BANK1: variants seen among roughly 807,000 people sequenced by gnomAD.
The protein encoded by BANK1 is B cell scaffold protein with ankyrin repeats 1.
In BANK1, 95 loss-of-function variants were observed where a neutral mutation model predicts 94.5. The ratio of observed to expected loss-of-function variants is 1.00; its 90% CI spans 0.85 to 1.19. The LOEUF (loss-of-function observed/expected upper bound fraction) is 1.19. Among genes scored for constraint, BANK1 ranks in the 50% most tolerant of loss-of-function variants. BANK1 has a pLI of 0.00. For missense variants in BANK1, 987 were observed against 932.2 expected (o/e 1.06, Z -0.77); for synonymous variants, 334 against 308.4 (o/e 1.08, Z -0.87).
At chr4:102,007,931 A>G (rs575986927) in intron 7 of BANK1, among the ~76,000 whole-genome samples, 20 of 152,338 alleles carry the variant, frequency 1.3e-4, no homozygotes, top group African/African-American at 4.8e-4. Context: ...AGAGGATATG[A>G]AGTTCAAATA....
chr4:101,895,539 C>G (rs1002193417), intron 6 of BANK1, 129 bp downstream of exon 6: 27 of 571,616 alleles, frequency 4.7e-5, no homozygotes, highest in South Asian at 4.5e-4. Context: ...CAACTCCTGA[C>G]TCCTGGTGAA....
intron 10 of BANK1, among the ~76,000 whole-genome samples, chr4:102,034,381 A>C (rs551188140): frequency 6.6e-6 from 1 of 152,192 alleles, no homozygotes; most frequent in Non-Finnish European, 1.5e-5. Flanking sequence ...CGTATCTGAG[A>C]CTGAATTTCC....
At chr4:101,879,802 A>G (rs1054840837) in intron 5 of BANK1, among the ~76,000 whole-genome samples, 2 of 152,094 alleles carry the variant, frequency 1.3e-5, no homozygotes, top group African/African-American at 4.8e-5. Flanking sequence ...AAATAAACCA[A>G]TGTGATATAT....
intron 7 of BANK1, among the ~76,000 whole-genome samples, chr4:101,989,959 C>T (rs1725647693): frequency 6.6e-6 from 1 of 152,128 alleles, no homozygotes; most frequent in African/African-American, 2.4e-5. Context: ...GCCTTCTCTC[C>T]TACCTTTCTT....
At chr4:102,022,641 A>C (rs776743225) in intron 8 of BANK1, among the ~76,000 whole-genome samples, 11 of 152,152 alleles carry the variant, frequency 7.2e-5, no homozygotes, top group Non-Finnish European at 1.6e-4. Context: ...CTGCTGCTAA[A>C]TAATGTATAG....
chr4:101,920,018 T>C (rs1722949171), intron 7 of BANK1, among the ~76,000 whole-genome samples: 1 of 151,996 alleles, frequency 6.6e-6, no homozygotes, highest in Non-Finnish European at 1.5e-5. Context: ...CTAAAATAAA[T>C]TTGGAAGTCA....
At chr4:101,891,048 CAAGAG>C (rs1178445769) in intron 5 of BANK1, among the ~76,000 whole-genome samples, 2 of 152,052 alleles carry the variant, frequency 1.3e-5, no homozygotes, top group Non-Finnish European at 2.9e-5. Context: ...TTAGAAAACT[CAAGAG>C]AAGAAGGAAA....
At chr4:101,990,075 T>C (rs553275718) in intron 7 of BANK1, among the ~76,000 whole-genome samples, 19 of 152,336 alleles carry the variant, frequency 1.2e-4, no homozygotes, top group Non-Finnish European at 1.6e-4. Flanking sequence ...ATCCATTTTG[T>C]ATTTTTCAGA....
At chr4:102,017,571 C>T (rs1186787858) in intron 7 of BANK1, among the ~76,000 whole-genome samples, 1 of 152,176 alleles carries the variant, frequency 6.6e-6, no homozygotes, top group African/African-American at 2.4e-5. Context: ...GTCACAGAAG[C>T]CAACCCTCCA....
At chr4:101,811,527 T>C (rs1725730340) in intron 1 of BANK1, among the ~76,000 whole-genome samples, 1 of 152,134 alleles carries the variant, frequency 6.6e-6, no homozygotes, top group Non-Finnish European at 1.5e-5. Context: ...ATTGATAATA[T>C]TTGTCTTGAA....
chr4:101,856,162 T>A (rs1727673452), intron 3 of BANK1, among the ~76,000 whole-genome samples: 1 of 152,092 alleles, frequency 6.6e-6, no homozygotes, highest in Admixed American at 6.5e-5. Context: ...AGGTGGAATA[T>A]CCTGTGTAGA....
At chr4:101,799,770 A>G (rs1725292354) in intron 1 of BANK1, among the ~76,000 whole-genome samples, 1 of 152,132 alleles carries the variant, frequency 6.6e-6, no homozygotes, top group Non-Finnish European at 1.5e-5. Flanking sequence ...GCTACTTGGG[A>G]GGCTGAGGCA....
chr4:101,857,299 G>A (rs1286407777), intron 3 of BANK1, among the ~76,000 whole-genome samples: 3 of 152,116 alleles, frequency 2.0e-5, no homozygotes, highest in Admixed American at 6.5e-5. Context: ...TCTTCAAACT[G>A]TGTTAATTTC....
chr4:102,063,337 G>T (rs531866089), intron 13 of BANK1, among the ~76,000 whole-genome samples, 199 bp downstream of exon 13: 1 of 151,842 alleles, frequency 6.6e-6, no homozygotes, highest in Non-Finnish European at 1.5e-5. Context: ...GCATCTGAGG[G>T]TGCTTGTGTA....
rs1315078622 is a variant in BANK1 at position 102,069,257 on chromosome 4, A to ATTTC, written c.2213-2014_2213-2011dup. ...TATAGTTGTATGTACAAGTATGTAT[A>ATTTC]TTTCTTTAACTCTTTCAGCTGAGAG... On this transcript the variant is annotated intron_variant, in intron 13 of 16. Transcript: ENST00000322953. 3.9e-5 allele frequency among the ~76,000 whole-genome samples: 6 copies of ATTTC among 152,326 alleles called. No individual in the cohort carries two copies. In the South Asian group the frequency reaches 8.3e-4, roughly 21 times the overall value.
chr4:101,866,322 GT>G (rs1225054091), intron 4 of BANK1, among the ~76,000 whole-genome samples: 2 of 151,962 alleles, frequency 1.3e-5, no homozygotes, highest in African/African-American at 4.8e-5. Flanking sequence ...AGAGAAAAAA[GT>G]TTTTTTGTCT....
chr4:101,799,643 G>A (rs1648365097), intron 1 of BANK1, among the ~76,000 whole-genome samples: 1 of 152,186 alleles, frequency 6.6e-6, no homozygotes, highest in Non-Finnish European at 1.5e-5. Flanking sequence ...GGGAGGCCAA[G>A]GTGGGCGGAT....
intron 10 of BANK1, among the ~76,000 whole-genome samples, chr4:102,041,028 T>A (rs1451221084): frequency 6.6e-6 from 1 of 152,044 alleles, no homozygotes; most frequent in Non-Finnish European, 1.5e-5. Flanking sequence ...ACAATACATT[T>A]AAAACAAATT....
At chr4:101,996,253 T>C (rs1422018141) in intron 7 of BANK1, among the ~76,000 whole-genome samples, 1 of 152,212 alleles carries the variant, frequency 6.6e-6, no homozygotes, top group Non-Finnish European at 1.5e-5. Flanking sequence ...TGTAGTGTTA[T>C]TTCTGAGGCC....
Sources: allele counts gnomAD v4.1 joint callset (sites outside exome capture counted in the v4.1 genomes callset), GRCh38; gene constraint gnomAD v4.1.1; transcripts MANE v1.5; gene names NCBI Gene and HGNC (gene_info 2026-07-23, HGNC 2026-07-21).